ELP5: variants seen among roughly 807,000 people sequenced by gnomAD.
ELP5 encodes the protein elongator complex protein 5.
A neutral mutation model predicts 33.4 loss-of-function variants in ELP5; 34 were observed. That is an observed-to-expected ratio of 1.02 (90% CI 0.78 to 1.36). The LOEUF (loss-of-function observed/expected upper bound fraction) is 1.36, where lower values mean the gene tolerates loss of function less well. ELP5 is among the 40% of genes most tolerant of loss of function. The pLI is 0.00. For synonymous variants in ELP5, 161 were observed against 146.4 expected (o/e 1.10, Z -0.72); for missense variants, 373 against 371.7 (o/e 1.00, Z -0.03).
Position 7,254,689 on chromosome 17 carries a change from G to A in ELP5, c.295G>A (p.Asp99Asn), listed in dbSNP as rs752568211. Reference protein sequence around the residue: ...GALRAMCKRTDPVPVTIALDS... With the variant: ...GALRAMCKRTNPVPVTIALDS... ...CTTGAGAGCCATGTGCAAGAGGACA[G>A]ATCCTGTTCCTGTCACCATTGCTCT... Residue 99 changes from aspartate to asparagine, a missense_variant, in exon 4 of 8, where the codon GAT becomes AAT. Asp to Asn is a conservative substitution (Grantham distance 23). Coordinates refer to ENST00000396628, the MANE Select transcript of ELP5 (RefSeq NM_203414.3). 6 of 1,614,162 alleles carry A rather than the reference G, an allele frequency of 3.7e-6. 1 individual carries two copies. The highest frequency in any genetic ancestry group is 3.3e-4 in the Middle Eastern group (2 of 6,062).
At chr17:7,256,267 C>T in intron 4 of ELP5, among the ~76,000 whole-genome samples, 1 of 152,130 alleles carries the variant, frequency 6.6e-6, no homozygotes, top group South Asian at 2.1e-4. Context: ...TATTGTTGAG[C>T]CCGTAGCAGG....
rs2072036411 is a variant in ELP5 at position 7,254,765 on chromosome 17, A to G, written c.371A>G (p.Gln124Arg). 1 of 1,614,040 alleles carries G rather than the reference A, an allele frequency of 6.2e-7. No homozygotes were observed. The highest frequency in any genetic ancestry group is 1.1e-5 in the South Asian group (1 of 91,088). The change falls in exon 4 of 8, where the codon CAG becomes CGG. Residue 124 changes from glutamine (Q) to arginine (R), a missense_variant. Gln to Arg is a conservative substitution (Grantham distance 43). Transcript: ENST00000396628. ...LLRLPCTTLC[Q>R]VLHAVSHQDS... ...CGCCTTCCCTGCACCACACTCTGCCAGGTCCTGCATGCTGTGAGCCATCAG... is the reference window on the plus strand; with the variant it reads ...CGCCTTCCCTGCACCACACTCTGCCGGGTCCTGCATGCTGTGAGCCATCAG...
At chr17:7,259,203 C>CT in intron 7 of ELP5, 1 of 1,388,254 alleles carries the variant, frequency 7.2e-7, no homozygotes. Context: ...GGAGGTGGCC[C>CT]TATCCCTAGG....
Position 7,258,911 on chromosome 17 carries a change from A to C in ELP5, c.773A>C (p.Gln258Pro). The change falls in exon 7 of 8, where the codon CAG (glutamine) becomes CCG (proline). Residue 258 changes from glutamine to proline, a missense_variant. Transcript: ENST00000396628. ...AGAGATAGCCTGATCCTGCCCTTCC[A>C]GTTCAGTTCTGAAAAGTAAGGTTGG... ...EARDSLILPF[Q>P]FSSEKQQALL... 5 of 1,614,174 alleles carry C rather than the reference A, an allele frequency of 3.1e-6. No individual in the cohort carries two copies. Among genetic ancestry groups the C allele is most frequent in the Non-Finnish European group, 4.2e-6 (5 of 1,180,034 alleles).
chr17:7,256,479 A>G (rs1022612991), intron 4 of ELP5, among the ~76,000 whole-genome samples: 9 of 152,216 alleles, frequency 5.9e-5, no homozygotes, highest in African/African-American at 1.7e-4. Flanking sequence ...AATGCTCCCA[A>G]AAAGGGAGGC....
rs1421965468 is a variant in ELP5, at chr17:7,252,357, C to T, written c.-194C>T. On this transcript the variant is annotated 5_prime_UTR_variant, in exon 1 of 8. Transcript: ENST00000396628. The stretch of plus-strand genomic sequence containing the variant: ...TTGTCCGTACGACTGTGCGCCAGGG[C>T]TCGGGGAGGGGCGCCCTCCGCGTGA... The T allele has an allele frequency of 3.8e-6, 3 of 786,244 alleles. No homozygotes were observed. Among genetic ancestry groups the T allele is most frequent in the East Asian group, 2.7e-5 (1 of 37,180 alleles). The allele number at this position is 786,244 out of a possible 1,614,324, so 48.7% of individuals were successfully genotyped here.
At position 7,259,910 on chromosome 17, in the gene ELP5, T is replaced by C; in HGVS notation, c.*225T>C. ...GAGAGTAGAACACCCCCGTACCTAATAAAAATCTTTATTTTTTTATTAAAA... is the reference window on the plus strand; with the variant it reads ...GAGAGTAGAACACCCCCGTACCTAACAAAAATCTTTATTTTTTTATTAAAA... On this transcript the variant is annotated 3_prime_UTR_variant, in exon 8 of 8. Coordinates refer to ENST00000396628, the MANE Select transcript of ELP5 (RefSeq NM_203414.3). 1.9e-6 allele frequency: 1 copy of C among 513,768 alleles called. No homozygotes were observed. Among genetic ancestry groups the C allele is most frequent in the South Asian group, 5.3e-5 (1 of 18,782 alleles). The allele number at this position is 513,768 out of a possible 1,614,324, so 31.8% of individuals were successfully genotyped here. A position where few individuals can be genotyped will look rare whatever the true frequency, so the allele number is the denominator to read the frequency against.
chr17:7,255,378 A>G (rs1483519127), intron 4 of ELP5, among the ~76,000 whole-genome samples: 1 of 151,956 alleles, frequency 6.6e-6, no homozygotes, highest in Non-Finnish European at 1.5e-5. Flanking sequence ...ACAAAAAAAA[A>G]TTAGCCGGGC....
At chr17:7,255,265 C>T (rs1171929760) in intron 4 of ELP5, among the ~76,000 whole-genome samples, 1 of 152,094 alleles carries the variant, frequency 6.6e-6, no homozygotes, top group Non-Finnish European at 1.5e-5. Context: ...GTGGCTCACT[C>T]CTGTAATCCT....
Position 7,259,607 on chromosome 17 carries a change from T to C in ELP5, c.825T>C (p.Ala275=). The C allele has an allele frequency of 6.2e-7, 1 of 1,614,252 alleles. No homozygotes were observed. Among genetic ancestry groups the C allele is most frequent in the Non-Finnish European group, 8.5e-7 (1 of 1,180,038 alleles). ...TCCTGCGGCCTAGGCCAGGGCAGGCTACCAGCCACATCTTCTATGAGCCAG... is the reference window on the plus strand; with the variant it reads ...TCCTGCGGCCTAGGCCAGGGCAGGCCACCAGCCACATCTTCTATGAGCCAG... ...QALLRPRPGQ[A]TSHIFYEPDA... Residue 275 remains alanine, a synonymous_variant, in exon 8 of 8, where the codon GCT becomes GCC. Transcript: ENST00000396628.
In ELP5 at chr17:7,259,745, C is replaced by T; in HGVS notation, c.*60C>T. ...GCGCGGGAAGACTTTGGGCCCAGAA[C>T]CATCTTTCTATTGTTTGTGTTAGCC... is the stretch of plus-strand genomic sequence containing the variant. On this transcript the variant is annotated 3_prime_UTR_variant, in exon 8 of 8. Coordinates refer to ENST00000396628, the MANE Select transcript of ELP5 (RefSeq NM_203414.3). The T allele has an allele frequency of 6.2e-7, 1 of 1,605,562 alleles. No homozygotes were observed. Among genetic ancestry groups the T allele is most frequent in the Admixed American group, 1.7e-5 (1 of 58,806 alleles).
Position 7,252,215 on chromosome 17 carries a change from A to G in ELP5, c.-336A>G, listed in dbSNP as rs113152347. On this transcript the variant is annotated 5_prime_UTR_variant, in exon 1 of 8. Transcript: ENST00000396628. ...CTGCGTGGGCGGGGAGAGTGACGTC[A>G]CTTGGCCCGCGCTTAGGGCCCTCGC... The G allele has an allele frequency of 6.4e-5, 27 of 419,546 alleles. No individual in the cohort carries two copies. The highest frequency in any genetic ancestry group is 5.4e-4 in the African/African-American group (26 of 48,536). The allele number at this position is 419,546 out of a possible 1,614,324, so 26.0% of individuals were successfully genotyped here.
Position 7,252,392 on chromosome 17 carries a change from TG to T in ELP5, c.-156del. 1 of 1,158,742 alleles carries T rather than the reference TG, an allele frequency of 8.6e-7. No homozygotes were observed. Among genetic ancestry groups the T allele is most frequent in the Non-Finnish European group, 1.2e-6 (1 of 800,464 alleles). 71.8% of individuals were successfully genotyped at this position (1,158,742 alleles called of 1,614,324 possible). A position where few individuals can be genotyped will look rare whatever the true frequency, so the allele number is the denominator to read the frequency against. ...GGCGCCCTCCGCGTGAGCGCCCCCC[TG>T]GGAATATTGAACATAATCACCTCTC... On this transcript the variant is annotated 5_prime_UTR_variant, in exon 1 of 8. Coordinates refer to ENST00000396628, the MANE Select transcript of ELP5 (RefSeq NM_203414.3).
In ELP5 at chr17:7,252,400, T is replaced by G. The variant is rs1192708308; in HGVS notation, c.-151T>G. On this transcript the variant is annotated 5_prime_UTR_variant, in exon 1 of 8. Coordinates refer to ENST00000396628, the MANE Select transcript of ELP5 (RefSeq NM_203414.3). ...CCGCGTGAGCGCCCCCCTGGGAATA[T>G]TGAACATAATCACCTCTCATTCCAG... 1.6e-6 allele frequency: 2 copies of G among 1,231,196 alleles called. No individual in the cohort carries two copies. The highest frequency in any genetic ancestry group is 2.5e-5 in the East Asian group (1 of 40,406). The allele number at this position is 1,231,196 out of a possible 1,614,324, so 76.3% of individuals were successfully genotyped here.
chr17:7,251,906 G>A (rs1351315796), upstream of ELP5: 1 of 155,670 alleles, frequency 6.4e-6, no homozygotes, highest in Non-Finnish European at 1.4e-5. Context: ...TTTAGCCGCT[G>A]GGGACCGGGG....
chr17:7,253,531 C>G (rs1166401692), intron 3 of ELP5, among the ~76,000 whole-genome samples: 2 of 152,176 alleles, frequency 1.3e-5, no homozygotes, highest in Admixed American at 1.3e-4. Flanking sequence ...AAGGAAGTTC[C>G]TAAACCCAGC....
At chr17:7,253,488 T>C (rs1160755678) in intron 3 of ELP5, among the ~76,000 whole-genome samples, 2 of 152,204 alleles carry the variant, frequency 1.3e-5, no homozygotes, top group East Asian at 3.8e-4. Flanking sequence ...CAGGATTTAT[T>C]GACTAATATG....
At chr17:7,252,656 C>G in intron 1 of ELP5, 60 bp downstream of exon 1, 1 of 1,601,108 alleles carries the variant, frequency 6.2e-7, no homozygotes, top group East Asian at 2.2e-5. Flanking sequence ...GCTGAGGGGA[C>G]GGAAGTGGGC....
Position 7,252,504 on chromosome 17 carries a change from T to A in ELP5, c.-47T>A. On this transcript the variant is annotated 5_prime_UTR_variant, in exon 1 of 8. An upstream start codon of the reference 5' UTR is lost. Transcript: ENST00000396628. ...CCCGAGGAGGAAGGACACTGGGTCA[T>A]GACGCCATCAGAGGGCGCCAGAGCA... 6.2e-7 allele frequency: 1 copy of A among 1,613,622 alleles called. No individual in the cohort carries two copies. Among genetic ancestry groups the A allele is most frequent in the Non-Finnish European group, 8.5e-7 (1 of 1,179,834 alleles).
Sources: allele counts gnomAD v4.1 joint callset (sites outside exome capture counted in the v4.1 genomes callset), GRCh38; gene constraint gnomAD v4.1.1; transcripts MANE v1.5; gene names NCBI Gene and HGNC (gene_info 2026-07-23, HGNC 2026-07-21).